Variants in MICU1 observed in about 807,000 individuals in gnomAD.
MICU1 encodes mitochondrial calcium uptake 1.
In MICU1, 45 loss-of-function variants were observed where a neutral mutation model predicts 56.8. The ratio of observed to expected loss-of-function variants is 0.79; its 90% confidence interval spans 0.62 to 1.02. The LOEUF is 1.02. MICU1 is among the 50% of genes least tolerant of loss of function. MICU1 has a pLI of 0.00. For missense variants in MICU1, 504 were observed against 587.1 expected, an observed-to-expected ratio of 0.86 and a Z score of 1.46; for synonymous variants, 186 against 195.1, an observed-to-expected ratio of 0.95 and a Z score of 0.39.
chr10:72,447,672 T>C (rs1231601036), intron 8 of MICU1, among the ~76,000 whole-genome samples: 1 of 151,860 alleles, frequency 6.6e-6, no homozygotes, highest in Non-Finnish European at 1.5e-5. Context: ...CAGGCAGAAG[T>C]TAAAAAAAAA....
chr10:72,383,997 A>T (rs182331382), intron 10 of MICU1, among the ~76,000 whole-genome samples: 1,317 of 130,638 alleles, frequency 0.01, 10 homozygotes, highest in East Asian at 0.034. Flanking sequence ...ATTAAAAAAA[A>T]ATTTTTTTTT....
chr10:72,448,191 A>T (rs1427195532), intron 8 of MICU1, among the ~76,000 whole-genome samples: 841 of 39,408 alleles, frequency 0.021, 11 homozygotes, highest in Non-Finnish European at 0.029. Context: ...ATATATATAT[A>T]TATTTTTTTT....
intron 1 of MICU1, among the ~76,000 whole-genome samples, chr10:72,585,994 A>C (rs374305525): frequency 9.0e-5 from 9 of 100,212 alleles, no homozygotes; most frequent in Admixed American, 1.1e-4. Context: ...TATTGTTTTT[A>C]TTTTTTCTTT....
At chr10:72,528,502 A>T (rs1868026592) in intron 5 of MICU1, among the ~76,000 whole-genome samples, 1 of 152,214 alleles carries the variant, frequency 6.6e-6, no homozygotes, top group Admixed American at 6.5e-5. Flanking sequence ...AGGTCTCTGG[A>T]AGCCAAGAGA....
chr10:72,540,667 C>G (rs181403125), intron 4 of MICU1, among the ~76,000 whole-genome samples: 2 of 152,254 alleles, frequency 1.3e-5, no homozygotes, highest in Admixed American at 6.5e-5. Flanking sequence ...GAGCAAGACC[C>G]TGTCTCTAAA....
At chr10:72,402,880 T>TA (rs1863501390) in intron 10 of MICU1, among the ~76,000 whole-genome samples, 1 of 151,762 alleles carries the variant, frequency 6.6e-6, no homozygotes, top group Non-Finnish European at 1.5e-5. Context: ...AAACTATCTA[T>TA]AAAAAATAAA....
At chr10:72,557,065 CAAAAAA>C (rs557963130) in intron 3 of MICU1, among the ~76,000 whole-genome samples, 3 of 141,400 alleles carry the variant, frequency 2.1e-5, no homozygotes, top group Non-Finnish European at 3.1e-5. Flanking sequence ...GACTTCATCC[CAAAAAA>C]AAAAGAAAAA....
intron 5 of MICU1, among the ~76,000 whole-genome samples, chr10:72,513,015 G>C (rs1867529313): frequency 6.6e-6 from 1 of 152,014 alleles, no homozygotes; most frequent in Non-Finnish European, 1.5e-5. Context: ...GTTGTTTTTT[G>C]TTTAAGACAG....
chr10:72,421,205 C>G (rs1421933200), intron 9 of MICU1, among the ~76,000 whole-genome samples: 2 of 151,664 alleles, frequency 1.3e-5, no homozygotes, highest in African/African-American at 4.8e-5. Flanking sequence ...GTTTGTTCAT[C>G]TCTCTCTCAG....
Position 72,589,048 on chromosome 10 carries a change from GA to G in MICU1, c.-1-22255del, listed in dbSNP as rs202012054. On this transcript the variant is annotated intron_variant, in intron 1 of 11. Transcript: ENST00000361114. ...CACGCCTGTAATCCCAGCACTTTGGGAGGCCGAGGTGGGTGGATCACCTGAG... is the reference window on the plus strand; with the variant it reads ...CACGCCTGTAATCCCAGCACTTTGGGGGCCGAGGTGGGTGGATCACCTGAG... Among the ~76,000 whole-genome samples, 4 of 152,166 alleles carry G rather than the reference GA, an allele frequency of 2.6e-5. No homozygotes were observed. The East Asian group carries it at 7.7e-4, about 29-fold the overall frequency.
At chr10:72,616,549 T>G (rs1841984490) in intron 1 of MICU1, among the ~76,000 whole-genome samples, 1 of 148,630 alleles carries the variant, frequency 6.7e-6, no homozygotes, top group African/African-American at 2.5e-5. Flanking sequence ...GTCACACCAT[T>G]GCACTCCAGC....
intron 10 of MICU1, among the ~76,000 whole-genome samples, chr10:72,389,622 T>A (rs1863002708): frequency 6.6e-6 from 1 of 152,128 alleles, no homozygotes; most frequent in African/African-American, 2.4e-5. Flanking sequence ...GGGACTATAT[T>A]TGTGTGATTA....
At chr10:72,488,883 A>G (rs903752864) in intron 6 of MICU1, among the ~76,000 whole-genome samples, 1 of 152,218 alleles carries the variant, frequency 6.6e-6, no homozygotes, top group Non-Finnish European at 1.5e-5. Flanking sequence ...CAAAATATCT[A>G]TTCTCCTCAT....
In MICU1 at chr10:72,474,258, C is replaced by CAA. The variant is rs55978543; in HGVS notation, c.933+840_933+841dup. 2.6e-3 allele frequency among the ~76,000 whole-genome samples: 156 copies of CAA among 60,728 alleles called. 5 individuals are homozygous for CAA. Among genetic ancestry groups the CAA allele is most frequent in the South Asian group, 4.6e-3 (5 of 1,096 alleles). The allele number at this position is 60,728 out of a possible 152,430, so 39.8% of individuals were successfully genotyped here. Reference sequence around the variant, plus strand: ...CCTGGCTGATGGAGTAGGACTGTCTCAAAAAAAAAAAAAAAAAAAAAAAAA... The same window carrying CAA: ...CCTGGCTGATGGAGTAGGACTGTCTCAAAAAAAAAAAAAAAAAAAAAAAAAAA... On this transcript the variant is annotated intron_variant, in intron 8 of 11. Coordinates refer to ENST00000361114, the MANE Select transcript of MICU1 (RefSeq NM_001195518.2).
intron 8 of MICU1, among the ~76,000 whole-genome samples, chr10:72,430,652 C>T (rs1230781871): frequency 1.3e-5 from 2 of 152,138 alleles, no homozygotes; most frequent in African/African-American, 4.8e-5. Context: ...CCTCCACCTT[C>T]CAGGTTCAAG....
At chr10:72,468,504 G>A (rs892833939) in intron 8 of MICU1, among the ~76,000 whole-genome samples, 27 of 151,800 alleles carry the variant, frequency 1.8e-4, no homozygotes, top group African/African-American at 6.3e-4. Flanking sequence ...AGTAGCCTTA[G>A]ACGAAATTTT....
chr10:72,389,099 C>T (rs1380657194), intron 10 of MICU1, among the ~76,000 whole-genome samples: 3 of 152,174 alleles, frequency 2.0e-5, no homozygotes, highest in Non-Finnish European at 4.4e-5. Context: ...GTGTGATGGC[C>T]TCACAGTCCT....
intron 10 of MICU1, among the ~76,000 whole-genome samples, chr10:72,400,843 C>T (rs906509277): frequency 5.3e-5 from 8 of 151,150 alleles, no homozygotes; most frequent in Non-Finnish European, 1.0e-4. Flanking sequence ...CAAAGCTATT[C>T]TAGAGAAATG....
intron 3 of MICU1, among the ~76,000 whole-genome samples, chr10:72,559,389 T>A (rs1254221520): frequency 6.6e-6 from 1 of 151,858 alleles, no homozygotes; most frequent in Non-Finnish European, 1.5e-5. Flanking sequence ...TGGGTGTTTA[T>A]AAAATTATAA....
Sources: gnomAD v4.1 joint callset for allele counts (sites outside exome capture counted in the v4.1 genomes callset) on GRCh38, gnomAD v4.1.1 for gene constraint, MANE v1.5 for transcripts, NCBI Gene and HGNC (gene_info 2026-07-23, HGNC 2026-07-21) for gene names.